Variants in ZCWPW1 observed in about 807,000 individuals in gnomAD.
ZCWPW1 encodes zinc finger CW-type PWWP domain protein 1.
Under a neutral mutation model 81.3 loss-of-function variants are expected in ZCWPW1, and 56 were observed. The ratio of observed to expected loss-of-function variants is 0.69; its 90% CI spans 0.56 to 0.86. The LOEUF (loss-of-function observed/expected upper bound fraction) is 0.86. Among genes scored for constraint, ZCWPW1 ranks in the 40% least tolerant of loss-of-function variants. The pLI, the probability that ZCWPW1 is intolerant of heterozygous loss-of-function variation, is 0.00. For missense variants in ZCWPW1, 650 were observed against 769.8 expected (o/e 0.84, Z 1.84); for synonymous variants, 250 against 273.7 (o/e 0.91, Z 0.86).
chr7:100,421,850 C>G (rs913334541), intron 2 of ZCWPW1, among the ~76,000 whole-genome samples: 1 of 151,964 alleles, frequency 6.6e-6, no homozygotes, highest in Non-Finnish European at 1.5e-5. Context: ...GCGCCACCAC[C>G]GCCGACTAAT....
intron 6 of ZCWPW1, among the ~76,000 whole-genome samples, chr7:100,416,738 G>A (rs560117905): frequency 6.6e-6 from 1 of 152,172 alleles, no homozygotes; most frequent in East Asian, 1.9e-4. Context: ...ACAAGGTCAG[G>A]AGTTCGAGAC....
At chr7:100,424,215 C>A (rs980978792) in intron 2 of ZCWPW1, among the ~76,000 whole-genome samples, 1 of 151,938 alleles carries the variant, frequency 6.6e-6, no homozygotes, top group Non-Finnish European at 1.5e-5. Flanking sequence ...AACGGCTATG[C>A]TAAGTGAGAA....
intron 8 of ZCWPW1, among the ~76,000 whole-genome samples, chr7:100,410,949 T>C (rs1260815385): frequency 6.6e-6 from 1 of 152,248 alleles, no homozygotes; most frequent in African/African-American, 2.4e-5. Flanking sequence ...CCTTTCCCAC[T>C]GTCGTTCTTC....
Position 100,403,805 on chromosome 7 carries a change from G to A in ZCWPW1, c.1322-20C>T, listed in dbSNP as rs1773436889. ...GTAAGTCTAGAACAGGAAAAGGAAG[G>A]AAAGGCTAAATCATTCATACCATAA... On this transcript the variant is annotated intron_variant, in intron 14 of 17. Coordinates refer to ENST00000684423, the MANE Select transcript of ZCWPW1 (RefSeq NM_001386010.1). The A allele has an allele frequency of 6.2e-7, 1 of 1,605,798 alleles. No homozygotes were observed.
chr7:100,408,396 A>T, intron 10 of ZCWPW1, 143 bp downstream of exon 10: 1 of 1,185,640 alleles, frequency 8.4e-7, no homozygotes, highest in Non-Finnish European at 1.2e-6. Context: ...CAGGCTTGGT[A>T]CTTTATCTTT....
intron 2 of ZCWPW1, among the ~76,000 whole-genome samples, chr7:100,423,978 G>C (rs1217673137): frequency 6.6e-6 from 1 of 151,052 alleles, no homozygotes; most frequent in African/African-American, 2.4e-5. Context: ...GCTGAGGCAG[G>C]AGAATCGCTT....
intron 10 of ZCWPW1, among the ~76,000 whole-genome samples, chr7:100,407,664 A>G (rs1453404118): frequency 2.0e-5 from 3 of 152,276 alleles, no homozygotes; most frequent in East Asian, 3.9e-4. Context: ...AAGTGCTGGG[A>G]TTACAAGCGT....
At chr7:100,407,038 T>C (rs1793157598) in intron 11 of ZCWPW1, among the ~76,000 whole-genome samples, 190 bp downstream of exon 11, 1 of 152,248 alleles carries the variant, frequency 6.6e-6, no homozygotes, top group Non-Finnish European at 1.5e-5. Flanking sequence ...TGGATAAATA[T>C]TTAATTAGAT....
chr7:100,416,933 G>A (rs1795352166), intron 6 of ZCWPW1, 133 bp downstream of exon 6: 11 of 763,352 alleles, frequency 1.4e-5, no homozygotes, highest in Middle Eastern at 4.0e-4. Flanking sequence ...GCGACAGAGC[G>A]AGACTCCGTC....
chr7:100,419,598 C>T, intron 4 of ZCWPW1, 32 bp downstream of exon 4: 2 of 1,578,640 alleles, frequency 1.3e-6, no homozygotes. Context: ...ATGAGAAAAT[C>T]TCCTACCAGA....
In ZCWPW1 at chr7:100,428,666, C is replaced by T. The variant is rs17147719; in HGVS notation, c.-235G>A. On this transcript the variant is annotated 5_prime_UTR_variant, in exon 1 of 18. Coordinates refer to ENST00000684423, the MANE Select transcript of ZCWPW1 (RefSeq NM_001386010.1). Reference sequence around the variant, plus strand: ...CAGGGAGACCGGGCGGCGCATCTCCCCGGGAAAACGGCGTAGACTCGCTTC... The same window carrying T: ...CAGGGAGACCGGGCGGCGCATCTCCTCGGGAAAACGGCGTAGACTCGCTTC... 1 of 152,352 alleles carries T rather than the reference C, an allele frequency of 6.6e-6. No homozygotes were observed. The highest frequency in any genetic ancestry group is 1.9e-4 in the East Asian group (1 of 5,186). 9.4% of individuals were successfully genotyped at this position (152,352 alleles called of 1,614,324 possible).
chr7:100,410,108 T>C (rs1793880632), intron 8 of ZCWPW1, among the ~76,000 whole-genome samples: 1 of 152,168 alleles, frequency 6.6e-6, no homozygotes. Context: ...CCATCAACTA[T>C]TAACTCTGGG....
At chr7:100,428,319 C>G (rs1165855225) in intron 1 of ZCWPW1, among the ~76,000 whole-genome samples, 1 of 152,160 alleles carries the variant, frequency 6.6e-6, no homozygotes, top group Non-Finnish European at 1.5e-5. Context: ...GGGGCCGAGG[C>G]GCATGCGCAA....
At position 100,406,708 on chromosome 7, in the gene ZCWPW1, C is replaced by G. The variant is rs1793081450; in HGVS notation, c.1159G>C (p.Glu387Gln). The change falls in exon 12 of 18, where the codon GAG becomes CAG. Residue 387 changes from glutamate to glutamine, a missense_variant. Transcript: ENST00000684423. ...MLKNFQELSL[E>Q]LSVMKKRRND... ...GATGTGCTCACCATGACTGATAGCTCCAGGGACAGCTCCTGGAAGTTCTTT... is the reference window on the plus strand; with the variant it reads ...GATGTGCTCACCATGACTGATAGCTGCAGGGACAGCTCCTGGAAGTTCTTT... 1 of 1,614,104 alleles carries G rather than the reference C, an allele frequency of 6.2e-7. No individual in the cohort carries two copies. The highest frequency in any genetic ancestry group is 1.1e-5 in the South Asian group (1 of 91,072).
intron 10 of ZCWPW1, 88 bp downstream of exon 10, chr7:100,408,451 C>T: frequency 2.0e-6 from 3 of 1,523,188 alleles, no homozygotes; most frequent in Middle Eastern, 1.8e-4. Context: ...ATTTCAATTA[C>T]AGATGTTTTC....
intron 8 of ZCWPW1, among the ~76,000 whole-genome samples, 158 bp downstream of exon 8, chr7:100,415,817 A>C (rs1474226051): frequency 6.6e-6 from 1 of 152,234 alleles, no homozygotes; most frequent in Non-Finnish European, 1.5e-5. Context: ...AAATGACTGA[A>C]TGAATGAAAT....
intron 3 of ZCWPW1, 21 bp from the exon 4 acceptor site, chr7:100,419,904 T>C (rs1479236509): frequency 1.3e-6 from 2 of 1,536,470 alleles, no homozygotes; most frequent in Non-Finnish European, 1.8e-6. Flanking sequence ...TGTGATCAAG[T>C]GGAATTTATG....
At chr7:100,404,926 C>A in intron 13 of ZCWPW1, 87 bp downstream of exon 13, 1 of 1,405,398 alleles carries the variant, frequency 7.1e-7, no homozygotes. Flanking sequence ...TGGCCCCTAG[C>A]ACAAACCATC....
At chr7:100,426,465 C>A (rs1446402644) in intron 1 of ZCWPW1, among the ~76,000 whole-genome samples, 1 of 140,850 alleles carries the variant, frequency 7.1e-6, no homozygotes, top group East Asian at 2.0e-4. Context: ...GCACTCCAGC[C>A]TGGGCAAAAT....
Sources: allele counts gnomAD v4.1 joint callset (sites outside exome capture counted in the v4.1 genomes callset), GRCh38; gene constraint gnomAD v4.1.1; transcripts MANE v1.5; gene names NCBI Gene and HGNC (gene_info 2026-07-23, HGNC 2026-07-21).